NCAM2: variants seen among roughly 807,000 people sequenced by gnomAD.
The protein encoded by NCAM2 is N-CAM-2.
NCAM2 carries 30 observed loss-of-function variants against 98.1 expected under a neutral mutation model. The ratio of observed to expected loss-of-function variants is 0.31; its 90% CI spans 0.23 to 0.41. The LOEUF is 0.41. Ranked by LOEUF, NCAM2 falls within the 10% of genes least tolerant of loss-of-function variation. The pLI, the probability that NCAM2 is intolerant of heterozygous loss-of-function variation, is 1.00. For missense variants in NCAM2, 867 were observed against 1,005.8 expected (o/e 0.86, Z 1.87); for synonymous variants, 368 against 342.4 (o/e 1.07, Z -0.83).
intron 16 of NCAM2, among the ~76,000 whole-genome samples, chr21:21,513,102 G>A (rs1305500166): frequency 6.6e-6 from 1 of 152,018 alleles, no homozygotes; most frequent in Non-Finnish European, 1.5e-5. Context: ...GCCCTGGCTA[G>A]GACATCCAGT....
At chr21:21,078,193 C>G (rs1218569274) in intron 1 of NCAM2, among the ~76,000 whole-genome samples, 1 of 152,128 alleles carries the variant, frequency 6.6e-6, no homozygotes, top group Non-Finnish European at 1.5e-5. Flanking sequence ...AGCTTATTCT[C>G]AGCCATTTTT....
At chr21:21,189,574 A>G (rs2226697) in intron 1 of NCAM2, among the ~76,000 whole-genome samples, 47,967 of 152,016 alleles carry the variant, frequency 0.32, 8,774 homozygotes, top group Non-Finnish European at 0.43. Context: ...TAAAAAATAA[A>G]TAAAAAAAAT....
At chr21:21,206,314 C>G (rs774378598) in intron 1 of NCAM2, among the ~76,000 whole-genome samples, 1 of 152,082 alleles carries the variant, frequency 6.6e-6, no homozygotes, top group Non-Finnish European at 1.5e-5. Flanking sequence ...GTTGTGAAAG[C>G]TCTTGAAAAC....
chr21:21,371,383 A>G (rs919851196), intron 8 of NCAM2, among the ~76,000 whole-genome samples: 2 of 151,784 alleles, frequency 1.3e-5, no homozygotes, highest in Non-Finnish European at 2.9e-5. Flanking sequence ...TAGAGAAATA[A>G]TGCCATTAGG....
At chr21:21,034,620 T>A (rs576812779) in intron 1 of NCAM2, among the ~76,000 whole-genome samples, 1 of 152,180 alleles carries the variant, frequency 6.6e-6, no homozygotes, top group Admixed American at 6.5e-5. Context: ...AACTACTCAT[T>A]TGGAAAGTTA....
At chr21:21,369,939 CTTTG>C (rs1387976411) in intron 8 of NCAM2, among the ~76,000 whole-genome samples, 6 of 151,576 alleles carry the variant, frequency 4.0e-5, no homozygotes, top group African/African-American at 1.2e-4. Context: ...TGAGGGCTGA[CTTTG>C]TAGGGGTACA....
At chr21:21,487,703 T>G (rs1986506339) in intron 15 of NCAM2, among the ~76,000 whole-genome samples, 1 of 152,120 alleles carries the variant, frequency 6.6e-6, no homozygotes. Flanking sequence ...TAGTCTGTCT[T>G]CTTTCCTCCA....
At chr21:21,514,762 C>A (rs1988615499) in intron 16 of NCAM2, among the ~76,000 whole-genome samples, 1 of 152,098 alleles carries the variant, frequency 6.6e-6, no homozygotes, top group South Asian at 2.1e-4. Context: ...TCATTCTTTT[C>A]TCATGAATAG....
chr21:21,116,670 C>T (rs948314904), intron 1 of NCAM2, among the ~76,000 whole-genome samples: 1 of 151,994 alleles, frequency 6.6e-6, no homozygotes, highest in African/African-American at 2.4e-5. Context: ...CTGGCTAACA[C>T]GTGAAACCCT....
At chr21:21,292,487 C>T (rs1601885264) in intron 5 of NCAM2, among the ~76,000 whole-genome samples, 1 of 151,702 alleles carries the variant, frequency 6.6e-6, no homozygotes, top group African/African-American at 2.4e-5. Flanking sequence ...TGAGTAATTG[C>T]CTTTTGCTGG....
intron 1 of NCAM2, among the ~76,000 whole-genome samples, chr21:21,142,948 G>A (rs765021726): frequency 3.3e-5 from 5 of 152,002 alleles, no homozygotes; most frequent in Admixed American, 6.6e-5. Flanking sequence ...ATTAGATTTC[G>A]AGGGATCTCC....
intron 1 of NCAM2, among the ~76,000 whole-genome samples, chr21:21,146,015 T>C (rs2067265702): frequency 6.6e-6 from 1 of 152,204 alleles, no homozygotes; most frequent in Non-Finnish European, 1.5e-5. Context: ...CAGTTCTGCC[T>C]GGAAACTTTT....
intron 1 of NCAM2, among the ~76,000 whole-genome samples, chr21:21,232,218 T>C (rs557244201): frequency 1.5e-4 from 23 of 151,680 alleles, no homozygotes; most frequent in African/African-American, 4.6e-4. Context: ...TTACCAGTTA[T>C]GCATGTTTGC....
intron 1 of NCAM2, among the ~76,000 whole-genome samples, chr21:21,224,949 A>G (rs556297002): frequency 3.4e-3 from 520 of 152,256 alleles, no homozygotes; most frequent in Non-Finnish European, 6.3e-3. Flanking sequence ...AAATCATACA[A>G]AACAATTTAC....
chr21:21,052,150 A>AT (rs5842877), intron 1 of NCAM2, among the ~76,000 whole-genome samples: 43 of 74,786 alleles, frequency 5.7e-4, no homozygotes, highest in African/African-American at 1.3e-3. Context: ...CATGATGGCC[A>AT]TTTTTTTTTT....
At chr21:21,271,210 G>A (rs1258170362) in intron 1 of NCAM2, among the ~76,000 whole-genome samples, 2 of 151,990 alleles carry the variant, frequency 1.3e-5, no homozygotes, top group Admixed American at 1.3e-4. Context: ...TTTAATTTTT[G>A]TTTTATTTTT....
At chr21:21,084,774 C>G (rs1462533717) in intron 1 of NCAM2, among the ~76,000 whole-genome samples, 5 of 152,062 alleles carry the variant, frequency 3.3e-5, no homozygotes, top group Non-Finnish European at 5.9e-5. Flanking sequence ...TTGTAAGGCA[C>G]TGATAATGTA....
intron 1 of NCAM2, among the ~76,000 whole-genome samples, chr21:21,124,130 A>G (rs866434549): frequency 2.0e-4 from 31 of 152,174 alleles, no homozygotes; most frequent in African/African-American, 7.2e-4. Context: ...TACAGGCGTG[A>G]GCCACCGCGC....
chr21:21,186,151 C>T (rs545854502), intron 1 of NCAM2, among the ~76,000 whole-genome samples: 10 of 152,110 alleles, frequency 6.6e-5, no homozygotes, highest in African/African-American at 2.4e-4. Context: ...TATCGCTAGT[C>T]CCATTATAAA....
Sources: gnomAD v4.1 joint callset for allele counts (sites outside exome capture counted in the v4.1 genomes callset) on GRCh38, gnomAD v4.1.1 for gene constraint, MANE v1.5 for transcripts, NCBI Gene and HGNC (gene_info 2026-07-23, HGNC 2026-07-21) for gene names.